NBAS: variants seen among roughly 807,000 people sequenced by gnomAD.
The protein encoded by NBAS is NBAS subunit of NRZ tethering complex.
NBAS carries 219 observed loss-of-function variants against 302.5 expected under a neutral mutation model. The ratio of observed to expected loss-of-function variants is 0.72; its 90% confidence interval spans 0.65 to 0.81. The LOEUF (loss-of-function observed/expected upper bound fraction) is 0.81, where lower values mean the gene tolerates loss of function less well. NBAS is among the 30% of genes least tolerant of loss of function. The pLI is 0.00. For missense variants in NBAS, 2,932 were observed against 2,841.6 expected (o/e 1.03, Z -0.72); for synonymous variants, 1,118 against 1,021.6 (o/e 1.09, Z -1.80).
chr2:15,315,160 AAC>A (rs1310168446), intron 38 of NBAS, among the ~76,000 whole-genome samples: 5 of 152,240 alleles, frequency 3.3e-5, no homozygotes, highest in Non-Finnish European at 7.3e-5. Flanking sequence ...TAAATTTTAA[AAC>A]ACACAAAAGT....
At chr2:15,097,060 T>G in the NBAS span, among the ~76,000 whole-genome samples, 627 of 152,232 alleles carry the variant, frequency 4.1e-3, 3 homozygotes, top group African/African-American at 0.014. Flanking sequence ...CTGAGCAAAG[T>G]TGAATCTCCT....
chr2:15,240,757 G>C (rs1449278701), intron 44 of NBAS, among the ~76,000 whole-genome samples: 1 of 152,076 alleles, frequency 6.6e-6, no homozygotes, highest in African/African-American at 2.4e-5. Flanking sequence ...AAGTTCCGTA[G>C]TCCCCACTTC....
intron 6 of NBAS, among the ~76,000 whole-genome samples, chr2:15,546,527 G>A (rs973588327): frequency 6.6e-6 from 1 of 152,062 alleles, no homozygotes; most frequent in Non-Finnish European, 1.5e-5. Context: ...TCAGGATTTC[G>A]AGACCAGCCT....
rs1003902362 is a variant in NBAS at position 15,250,417 on chromosome 2, A to T, written c.5725-11731T>A. On this transcript the variant is annotated intron_variant, in intron 44 of 51. Coordinates refer to ENST00000281513, the MANE Select transcript of NBAS (RefSeq NM_015909.4). ...CATAGGCATGGGCAAAGACTTAATGACTAAAACACCAAAAGCAATGGCAAC... is the reference window on the plus strand; with the variant it reads ...CATAGGCATGGGCAAAGACTTAATGTCTAAAACACCAAAAGCAATGGCAAC... 4.0e-4 allele frequency among the ~76,000 whole-genome samples: 61 copies of T among 152,310 alleles called. 1 individual carries two copies. The highest frequency in any genetic ancestry group is 1.4e-3 in the African/African-American group (58 of 41,580).
the NBAS span, among the ~76,000 whole-genome samples, chr2:14,953,468 G>A: frequency 1.3e-5 from 2 of 152,200 alleles, no homozygotes; most frequent in Non-Finnish European, 2.9e-5. Context: ...ACAATGAAAG[G>A]GTGCAGTCAC....
chr2:15,326,159 A>T (rs1489250703), intron 38 of NBAS, among the ~76,000 whole-genome samples: 1 of 152,224 alleles, frequency 6.6e-6, no homozygotes, highest in Non-Finnish European at 1.5e-5. Flanking sequence ...TACAATAATA[A>T]CGAAAAAGTT....
the NBAS span, among the ~76,000 whole-genome samples, chr2:14,906,232 C>G: frequency 6.6e-6 from 1 of 152,206 alleles, no homozygotes; most frequent in Non-Finnish European, 1.5e-5. Context: ...CTGGCAGGCA[C>G]TGTGCACAAT....
chr2:15,330,530 C>G, intron 36 of NBAS, 68 bp downstream of exon 36: 1 of 1,594,544 alleles, frequency 6.3e-7, no homozygotes, highest in Non-Finnish European at 8.6e-7. Context: ...GTGAAAACAA[C>G]TGAAACATTG....
At chr2:15,059,975 AC>A in the NBAS span, among the ~76,000 whole-genome samples, 12 of 44,628 alleles carry the variant, frequency 2.7e-4, no homozygotes, top group Admixed American at 1.5e-3. Context: ...AAAAAAAAAA[AC>A]AAAAAAAAAA....
chr2:15,106,126 C>G, the NBAS span, among the ~76,000 whole-genome samples: 1 of 152,150 alleles, frequency 6.6e-6, no homozygotes, highest in East Asian at 1.9e-4. Flanking sequence ...ACTGCAAGCT[C>G]TAAATCAAAT....
intron 9 of NBAS, among the ~76,000 whole-genome samples, chr2:15,514,033 C>G (rs930096865): frequency 5.3e-5 from 8 of 152,080 alleles, no homozygotes; most frequent in African/African-American, 1.9e-4. Flanking sequence ...TTTGAAGATA[C>G]TGACAGATTA....
the NBAS span, among the ~76,000 whole-genome samples, chr2:15,132,065 A>G: frequency 6.6e-6 from 1 of 152,210 alleles, no homozygotes; most frequent in African/African-American, 2.4e-5. Context: ...AAACTATATC[A>G]TCTTCCTTGG....
the NBAS span, among the ~76,000 whole-genome samples, chr2:15,145,974 C>T: frequency 6.6e-6 from 1 of 152,108 alleles, no homozygotes; most frequent in African/African-American, 2.4e-5. Flanking sequence ...TTTTCCATTT[C>T]TCATTGGAAA....
At chr2:14,998,522 G>C in the NBAS span, among the ~76,000 whole-genome samples, 1 of 152,186 alleles carries the variant, frequency 6.6e-6, no homozygotes. Context: ...AAAGAGAAGA[G>C]ACAAAAGGGT....
chr2:15,457,795 C>T (rs543873883), intron 21 of NBAS, among the ~76,000 whole-genome samples: 45 of 152,292 alleles, frequency 3.0e-4, no homozygotes, highest in Non-Finnish European at 5.7e-4. Flanking sequence ...ACCCTCACAA[C>T]GGAAATAATT....
chr2:15,222,916 G>A (rs1418477175), intron 47 of NBAS, among the ~76,000 whole-genome samples: 3 of 152,160 alleles, frequency 2.0e-5, no homozygotes, highest in Non-Finnish European at 4.4e-5. Context: ...AGAACTTACT[G>A]TGCAGCTAAT....
At chr2:14,903,214 G>A in the NBAS span, among the ~76,000 whole-genome samples, 27 of 151,826 alleles carry the variant, frequency 1.8e-4, no homozygotes, top group African/African-American at 5.8e-4. Context: ...GATAATACAA[G>A]CAATTCCATC....
At chr2:15,034,026 A>AGAAGAAGAAGAAG in the NBAS span, among the ~76,000 whole-genome samples, 6 of 50,082 alleles carry the variant, frequency 1.2e-4, no homozygotes, top group Admixed American at 2.4e-4. Context: ...AAGAAGAAGA[A>AGAAGAAGAAGAAG]GAGGAGGAGG....
intron 9 of NBAS, among the ~76,000 whole-genome samples, chr2:15,525,699 G>T (rs1662883699): frequency 1.3e-5 from 2 of 151,902 alleles, no homozygotes; most frequent in South Asian, 4.2e-4. Context: ...TGTAAATTAG[G>T]GTCTAGAAGT....
Sources: gnomAD v4.1 joint callset for allele counts (sites outside exome capture counted in the v4.1 genomes callset) on GRCh38, gnomAD v4.1.1 for gene constraint, MANE v1.5 for transcripts, NCBI Gene and HGNC (gene_info 2026-07-23, HGNC 2026-07-21) for gene names.